Variants in CHRM3 observed in about 807,000 individuals in gnomAD.
CHRM3 encodes muscarinic acetylcholine receptor M3.
Under a neutral mutation model 41.8 loss-of-function variants are expected in CHRM3, and 11 were observed. The ratio of observed to expected loss-of-function variants is 0.26; its 90% CI spans 0.17 to 0.44. The LOEUF is 0.44. Among genes scored for constraint, CHRM3 ranks in the 20% least tolerant of loss-of-function variants. The pLI is 1.00. For missense variants in CHRM3, 571 were observed against 745.4 expected (o/e 0.77, Z 2.72); for synonymous variants, 297 against 301.4 (o/e 0.99, Z 0.15).
chr1:239,815,196 A>G (rs1671476611), intron 5 of CHRM3, among the ~76,000 whole-genome samples: 1 of 152,240 alleles, frequency 6.6e-6, no homozygotes, highest in Non-Finnish European at 1.5e-5. Context: ...GACTGAAGCC[A>G]GTTGAGAGGG....
chr1:239,720,015 A>AT (rs1241538553), intron 5 of CHRM3: 2 of 151,940 alleles, frequency 1.3e-5, no homozygotes, highest in African/African-American at 4.8e-5. Context: ...GATCGGCAGG[A>AT]TTTTTAAGCA....
chr1:239,620,266 C>G (rs891713199), intron 3 of CHRM3, among the ~76,000 whole-genome samples: 2 of 152,122 alleles, frequency 1.3e-5, no homozygotes, highest in African/African-American at 4.8e-5. Context: ...TCTCAAAATA[C>G]ATTTTTCAAG....
chr1:239,836,033 C>T (rs546764323), intron 6 of CHRM3, among the ~76,000 whole-genome samples: 95 of 152,322 alleles, frequency 6.2e-4, no homozygotes, highest in African/African-American at 1.8e-3. Flanking sequence ...GTGTGCAGCA[C>T]GGATGGCGTT....
chr1:239,832,246 G>A (rs1294458242), intron 6 of CHRM3, among the ~76,000 whole-genome samples: 1 of 151,646 alleles, frequency 6.6e-6, no homozygotes, highest in Non-Finnish European at 1.5e-5. Context: ...TCACATTTTT[G>A]TTCTTCCTTT....
At chr1:239,503,887 C>G (rs1306052507) in intron 2 of CHRM3, among the ~76,000 whole-genome samples, 1 of 152,064 alleles carries the variant, frequency 6.6e-6, no homozygotes. Context: ...AAACTGGATC[C>G]TCATCTCTGG....
rs566095707 is a variant in CHRM3, at chr1:239,900,541, G to C, written c.-19-6892G>C. On this transcript the variant is annotated intron_variant, in intron 6 of 6. Coordinates refer to ENST00000676153, the MANE Select transcript of CHRM3 (RefSeq NM_001375978.1). Reference sequence around the variant, plus strand: ...AGAAGTTCATAGAAAATGTCTGAAAGAAGGTGGGAGGGATCTTGTTTCCTG... The same window carrying C: ...AGAAGTTCATAGAAAATGTCTGAAACAAGGTGGGAGGGATCTTGTTTCCTG... Among the ~76,000 whole-genome samples the C allele has an allele frequency of 2.1e-3, 315 of 152,170 alleles. 1 individual carries two copies. Among genetic ancestry groups the C allele is most frequent in the African/African-American group, 7.4e-3 (309 of 41,514 alleles).
intron 6 of CHRM3, among the ~76,000 whole-genome samples, chr1:239,870,625 G>C (rs1419161413): frequency 1.3e-5 from 2 of 152,078 alleles, no homozygotes; most frequent in African/African-American, 4.8e-5. Flanking sequence ...CTGGTGTTCT[G>C]TGAAGGAAAC....
intron 5 of CHRM3, among the ~76,000 whole-genome samples, chr1:239,775,649 G>T (rs1458316883): frequency 6.6e-6 from 1 of 152,196 alleles, no homozygotes; most frequent in Non-Finnish European, 1.5e-5. Flanking sequence ...CGGCCTGGTG[G>T]AAGAAAGCAC....
rs566615395 is a variant in CHRM3, at chr1:239,909,404, T to C, written c.*180T>C. ...AACCCATTTTAATAGAAAAAGTCAATACCAATTCAGCAAAAAGAAAAAAAA... is the reference window on the plus strand; with the variant it reads ...AACCCATTTTAATAGAAAAAGTCAACACCAATTCAGCAAAAAGAAAAAAAA... On this transcript the variant is annotated 3_prime_UTR_variant, in exon 7 of 7. Transcript: ENST00000676153. 4 of 491,618 alleles carry C rather than the reference T, an allele frequency of 8.1e-6. No homozygotes were observed. The highest frequency in any genetic ancestry group is 1.4e-5 in the Non-Finnish European group (4 of 283,222). 30.5% of individuals were successfully genotyped at this position (491,618 alleles called of 1,614,324 possible). A position where few individuals can be genotyped will look rare whatever the true frequency, so the allele number is the denominator to read the frequency against.
At chr1:239,738,615 G>A (rs1441913273) in intron 5 of CHRM3, among the ~76,000 whole-genome samples, 1 of 151,330 alleles carries the variant, frequency 6.6e-6, no homozygotes, top group Non-Finnish European at 1.5e-5. Context: ...TTAGAAACAT[G>A]TCAAATAAAT....
intron 4 of CHRM3, among the ~76,000 whole-genome samples, chr1:239,662,881 C>CTCCTCTTCTTCTTCTTCT: frequency 8.6e-5 from 2 of 23,198 alleles, no homozygotes; most frequent in African/African-American, 5.4e-4. Context: ...CCTCTTTCTC[C>CTCCTCTTCTTCTTCTTCT]TCTTCCTCCT....
intron 2 of CHRM3, among the ~76,000 whole-genome samples, chr1:239,509,231 A>G (rs1002298141): frequency 1.3e-5 from 2 of 152,180 alleles, no homozygotes; most frequent in Non-Finnish European, 2.9e-5. Flanking sequence ...TTTATTGAGA[A>G]GTATTTATTC....
At chr1:239,504,478 A>C (rs1232842342) in intron 2 of CHRM3, among the ~76,000 whole-genome samples, 1 of 152,232 alleles carries the variant, frequency 6.6e-6, no homozygotes, top group Non-Finnish European at 1.5e-5. Flanking sequence ...AATGTAAACT[A>C]GTACAACCAC....
At chr1:239,833,918 A>C (rs1174719719) in intron 6 of CHRM3, among the ~76,000 whole-genome samples, 1 of 152,108 alleles carries the variant, frequency 6.6e-6, no homozygotes, top group Non-Finnish European at 1.5e-5. Context: ...TTCCTGCTCA[A>C]TTTAAATAAA....
chr1:239,673,842 C>T (rs576262092), intron 4 of CHRM3, among the ~76,000 whole-genome samples: 6 of 152,102 alleles, frequency 3.9e-5, no homozygotes, highest in Admixed American at 3.3e-4. Context: ...CTTTCCTGTT[C>T]GATACACAAA....
chr1:239,474,920 A>G (rs896477767), intron 1 of CHRM3, among the ~76,000 whole-genome samples: 3 of 152,120 alleles, frequency 2.0e-5, no homozygotes, highest in African/African-American at 7.2e-5. Flanking sequence ...ACAAAAATAA[A>G]TGAGACAGCT....
intron 6 of CHRM3, among the ~76,000 whole-genome samples, chr1:239,852,059 C>T (rs2149226785): frequency 6.6e-6 from 1 of 152,148 alleles, no homozygotes; most frequent in African/African-American, 2.4e-5. Context: ...CCTTACTGTC[C>T]TTTAACTTAT....
intron 2 of CHRM3, among the ~76,000 whole-genome samples, chr1:239,523,186 A>T (rs1220253265): frequency 1.3e-5 from 2 of 152,198 alleles, no homozygotes; most frequent in Non-Finnish European, 2.9e-5. Context: ...ACATGCACAT[A>T]GAATGTATAC....
intron 2 of CHRM3, among the ~76,000 whole-genome samples, chr1:239,534,499 A>C (rs141468524): frequency 6.6e-6 from 1 of 152,212 alleles, no homozygotes. Context: ...GTAACTCTGT[A>C]CTGATGCCAA....
Sources: allele counts gnomAD v4.1 joint callset (sites outside exome capture counted in the v4.1 genomes callset), GRCh38; gene constraint gnomAD v4.1.1; transcripts MANE v1.5; gene names NCBI Gene and HGNC (gene_info 2026-07-23, HGNC 2026-07-21).